Variants in BNC2 observed in about 807,000 individuals in gnomAD.
BNC2 encodes basonuclin zinc finger protein 2, also known as zinc finger protein basonuclin-2.
Under a neutral mutation model 76.3 loss-of-function variants are expected in BNC2, and 20 were observed. That is an observed-to-expected ratio of 0.26 (90% confidence interval 0.18 to 0.38). The LOEUF is 0.38. BNC2 is among the 10% of genes least tolerant of loss of function. The probability of loss-of-function intolerance (pLI) is 1.00; values close to 1 mark genes in which losing one functional copy is unlikely to be tolerated. For missense variants in BNC2, 1,382 were observed against 1,399.8 expected (o/e 0.99, Z 0.20); for synonymous variants, 582 against 514.8 (o/e 1.13, Z -1.77).
At chr9:16,613,103 T>C (rs969827579) in intron 3 of BNC2, among the ~76,000 whole-genome samples, 30 of 152,286 alleles carry the variant, frequency 2.0e-4, no homozygotes, top group African/African-American at 7.0e-4. Context: ...AGAAAGGTAG[T>C]CTGAAAAATC....
chr9:16,706,863 C>G (rs1823689029), intron 3 of BNC2, among the ~76,000 whole-genome samples: 1 of 152,178 alleles, frequency 6.6e-6, no homozygotes, highest in Non-Finnish European at 1.5e-5. Context: ...ACTTCCATTT[C>G]AAATTGCAAA....
At chr9:16,851,902 G>A (rs1819136016) in intron 1 of BNC2, among the ~76,000 whole-genome samples, 1 of 152,112 alleles carries the variant, frequency 6.6e-6, no homozygotes, top group Non-Finnish European at 1.5e-5. Flanking sequence ...GGTATACCCT[G>A]AACTGAAGAG....
intron 3 of BNC2, among the ~76,000 whole-genome samples, chr9:16,624,436 A>G (rs1820939261): frequency 6.6e-6 from 1 of 152,214 alleles, no homozygotes; most frequent in African/African-American, 2.4e-5. Flanking sequence ...ACACAACATA[A>G]AAGTTAATTT....
At chr9:16,566,947 A>G (rs1202418729) in intron 4 of BNC2, among the ~76,000 whole-genome samples, 1 of 152,252 alleles carries the variant, frequency 6.6e-6, no homozygotes, top group Non-Finnish European at 1.5e-5. Context: ...AGAAAAAAGG[A>G]AAAAAATTCA....
intron 4 of BNC2, among the ~76,000 whole-genome samples, chr9:16,553,965 G>A (rs972098531): frequency 7.2e-5 from 11 of 152,156 alleles, no homozygotes; most frequent in African/African-American, 2.7e-4. Flanking sequence ...ATATGCATAT[G>A]CCCATTTAGG....
intron 3 of BNC2, among the ~76,000 whole-genome samples, chr9:16,667,806 C>T (rs1445160530): frequency 6.6e-6 from 1 of 152,134 alleles, no homozygotes; most frequent in African/African-American, 2.4e-5. Flanking sequence ...CAAGGATATA[C>T]AAAGATCAAC....
At chr9:16,753,638 G>A (rs1825286957) in intron 1 of BNC2, among the ~76,000 whole-genome samples, 1 of 152,172 alleles carries the variant, frequency 6.6e-6, no homozygotes, top group South Asian at 2.1e-4. Context: ...AGTCTTACAT[G>A]TACAGCTGGA....
intron 5 of BNC2, among the ~76,000 whole-genome samples, chr9:16,477,121 A>G (rs528954577): frequency 1.8e-4 from 28 of 152,280 alleles, no homozygotes; most frequent in African/African-American, 5.5e-4. Flanking sequence ...CAGCCAAAGT[A>G]TCATTTGGGT....
intron 1 of BNC2, among the ~76,000 whole-genome samples, chr9:16,853,587 C>T (rs1019448446): frequency 6.6e-6 from 1 of 152,120 alleles, no homozygotes; most frequent in African/African-American, 2.4e-5. Flanking sequence ...AAATTTGCAG[C>T]TGGGCGCTGT....
intron 1 of BNC2, among the ~76,000 whole-genome samples, chr9:16,861,433 G>A (rs1819408589): frequency 6.6e-6 from 1 of 151,832 alleles, no homozygotes; most frequent in Non-Finnish European, 1.5e-5. Flanking sequence ...CCTAGCAGAG[G>A]GCTTGTACTC....
intron 3 of BNC2, among the ~76,000 whole-genome samples, chr9:16,661,452 T>C (rs1466390381): frequency 6.6e-6 from 1 of 151,348 alleles, no homozygotes; most frequent in Non-Finnish European, 1.5e-5. Flanking sequence ...AGCTGTATGT[T>C]AGTTCCCCAG....
At chr9:16,621,543 G>C (rs773919422) in intron 3 of BNC2, among the ~76,000 whole-genome samples, 1 of 152,152 alleles carries the variant, frequency 6.6e-6, no homozygotes, top group Non-Finnish European at 1.5e-5. Flanking sequence ...ACTTATATAA[G>C]GTTTCAGTTA....
chr9:16,445,291 C>T (rs145911164), intron 5 of BNC2, among the ~76,000 whole-genome samples: 2 of 152,190 alleles, frequency 1.3e-5, no homozygotes, highest in Non-Finnish European at 2.9e-5. Flanking sequence ...ACACAATATA[C>T]ATCAGAGCAC....
At chr9:16,756,908 C>G (rs558569990) in intron 1 of BNC2, among the ~76,000 whole-genome samples, 4 of 151,398 alleles carry the variant, frequency 2.6e-5, no homozygotes, top group Admixed American at 6.6e-5. Flanking sequence ...GGAGAATGGC[C>G]TGAACCCGGG....
At chr9:16,505,911 C>T (rs1822613175) in intron 5 of BNC2, among the ~76,000 whole-genome samples, 3 of 152,128 alleles carry the variant, frequency 2.0e-5, no homozygotes, top group African/African-American at 7.2e-5. Flanking sequence ...GTCGCATTAA[C>T]CACATTTACA....
At chr9:16,859,644 A>G (rs1819347145) in intron 1 of BNC2, among the ~76,000 whole-genome samples, 1 of 152,234 alleles carries the variant, frequency 6.6e-6, no homozygotes, top group Non-Finnish European at 1.5e-5. Context: ...TCTATGAGGC[A>G]TCTAAAGTAG....
chr9:16,588,203 G>A (rs1253151199), intron 3 of BNC2, among the ~76,000 whole-genome samples: 1 of 152,148 alleles, frequency 6.6e-6, no homozygotes, highest in Admixed American at 6.5e-5. Flanking sequence ...TCCGGCAACA[G>A]GAAAAGCTCA....
At chr9:16,665,639 T>G (rs917323930) in intron 3 of BNC2, among the ~76,000 whole-genome samples, 14 of 152,176 alleles carry the variant, frequency 9.2e-5, no homozygotes, top group African/African-American at 3.4e-4. Context: ...CATCATGAAT[T>G]TATAGTCAAG....
chr9:16,446,817 T>C (rs985977870), intron 5 of BNC2, among the ~76,000 whole-genome samples: 3 of 152,036 alleles, frequency 2.0e-5, no homozygotes, highest in Admixed American at 2.0e-4. Flanking sequence ...ACATATTTAA[T>C]CATAGAAGCT....
Sources: allele counts gnomAD v4.1 joint callset (sites outside exome capture counted in the v4.1 genomes callset), GRCh38; gene constraint gnomAD v4.1.1; transcripts MANE v1.5; gene names NCBI Gene and HGNC (gene_info 2026-07-23, HGNC 2026-07-21).